ADK: variants seen among roughly 807,000 people sequenced by gnomAD.
The protein encoded by ADK is N6,N6-dimethyladenosine kinase.
ADK carries 24 observed loss-of-function variants against 44.7 expected under a neutral mutation model. That is an observed-to-expected ratio of 0.54 (90% CI 0.39 to 0.76). ADK has a LOEUF of 0.76. ADK is among the 30% of genes least tolerant of loss of function. The pLI, the probability that ADK is intolerant of heterozygous loss-of-function variation, is 0.00. For missense variants in ADK, 321 were observed against 425.1 expected, an observed-to-expected ratio of 0.76 and a Z score of 2.15; for synonymous variants, 128 against 142.6, an observed-to-expected ratio of 0.90 and a Z score of 0.73.
chr10:74,366,790 C>G (rs1389195248), intron 4 of ADK, among the ~76,000 whole-genome samples: 1 of 152,084 alleles, frequency 6.6e-6, no homozygotes, highest in Non-Finnish European at 1.5e-5. Context: ...ATTAGCCAAG[C>G]ATGGTGGTAC....
chr10:74,221,370 A>G (rs1012378333), intron 2 of ADK, among the ~76,000 whole-genome samples: 16 of 150,528 alleles, frequency 1.1e-4, no homozygotes, highest in Admixed American at 8.6e-4. Context: ...GAAATAAAAG[A>G]GGATACAAAC....
At chr10:74,671,447 A>C (rs1855181779) in intron 10 of ADK, among the ~76,000 whole-genome samples, 1 of 152,216 alleles carries the variant, frequency 6.6e-6, no homozygotes, top group Admixed American at 6.5e-5. Flanking sequence ...ATTAACCATT[A>C]GGATGCCCCA....
intron 2 of ADK, among the ~76,000 whole-genome samples, chr10:74,222,213 C>T (rs1327785911): frequency 6.6e-6 from 1 of 152,304 alleles, no homozygotes; most frequent in South Asian, 2.1e-4. Context: ...CATGAACAGA[C>T]ACTTCTCAAA....
At chr10:74,592,240 G>T (rs1262807120) in intron 8 of ADK, among the ~76,000 whole-genome samples, 1 of 151,910 alleles carries the variant, frequency 6.6e-6, no homozygotes, top group African/African-American at 2.4e-5. Flanking sequence ...ACAATTCTTG[G>T]GGTAAAAAGT....
intron 3 of ADK, among the ~76,000 whole-genome samples, chr10:74,296,066 CT>C (rs59799489): frequency 0.2 from 27,692 of 139,762 alleles, 3,397 homozygotes; most frequent in African/African-American, 0.38. Flanking sequence ...TATTTAGCTC[CT>C]TTTTTTTTTT....
chr10:74,155,822 G>T (rs1037165754), intron 1 of ADK, among the ~76,000 whole-genome samples: 1 of 152,280 alleles, frequency 6.6e-6, no homozygotes, highest in African/African-American at 2.4e-5. Context: ...GTGAGCCACC[G>T]TGCCCGGCGA....
chr10:74,678,806 T>A (rs894135826), intron 10 of ADK, among the ~76,000 whole-genome samples: 8 of 152,214 alleles, frequency 5.3e-5, no homozygotes, highest in Non-Finnish European at 7.3e-5. Flanking sequence ...ATATGTGTGT[T>A]AGTTCCCTGA....
intron 5 of ADK, among the ~76,000 whole-genome samples, chr10:74,396,229 C>T (rs1376852300): frequency 6.6e-6 from 1 of 152,104 alleles, no homozygotes; most frequent in Non-Finnish European, 1.5e-5. Context: ...ACCTTTGCTG[C>T]CACTATCAAA....
intron 9 of ADK, among the ~76,000 whole-genome samples, chr10:74,628,745 G>A (rs933506998): frequency 6.6e-6 from 1 of 152,082 alleles, no homozygotes; most frequent in African/African-American, 2.4e-5. Context: ...ACTTGGAGAA[G>A]TCTATTCTTA....
chr10:74,597,033 C>T (rs986176288), intron 8 of ADK, among the ~76,000 whole-genome samples: 9 of 152,282 alleles, frequency 5.9e-5, no homozygotes, highest in South Asian at 2.1e-4. Context: ...TCTTCATCTT[C>T]TTCGTTATAG....
At chr10:74,504,650 T>A (rs990096496) in intron 6 of ADK, among the ~76,000 whole-genome samples, 1 of 152,164 alleles carries the variant, frequency 6.6e-6, no homozygotes, top group African/African-American at 2.4e-5. Flanking sequence ...CGAATTTTAA[T>A]CCCCATAATC....
Position 74,303,585 on chromosome 10 carries a change from G to GTTTTTTTTTTTTTTT in ADK, c.195-11080_195-11079insTTTTTTTTTTTTTTT. On this transcript the variant is annotated intron_variant, in intron 3 of 10. Transcript: ENST00000539909. Reference sequence around the variant, plus strand: ...AAACACTTTTCATATTGGTTTTAATGTTGTTTTTTTTTTTTTTTTTTTTTT... The same window carrying GTTTTTTTTTTTTTTT: ...AAACACTTTTCATATTGGTTTTAATGTTTTTTTTTTTTTTTTTGTTTTTTTTTTTTTTTTTTTTTT... Among the ~76,000 whole-genome samples, 322 of 64,628 alleles carry GTTTTTTTTTTTTTTT rather than the reference G, an allele frequency of 5.0e-3. 101 individuals are homozygous for GTTTTTTTTTTTTTTT. Among genetic ancestry groups the GTTTTTTTTTTTTTTT allele is most frequent in the Non-Finnish European group, 5.7e-3 (231 of 40,788 alleles). The allele number at this position is 64,628 out of a possible 152,430, so 42.4% of individuals were successfully genotyped here. A position where few individuals can be genotyped will look rare whatever the true frequency, so the allele number is the denominator to read the frequency against.
At chr10:74,421,604 A>G (rs1488958102) in intron 6 of ADK, among the ~76,000 whole-genome samples, 2 of 152,180 alleles carry the variant, frequency 1.3e-5, no homozygotes, top group Non-Finnish European at 2.9e-5. Context: ...AACACATCTA[A>G]CGCTCACATC....
At chr10:74,462,957 C>T (rs915705050) in intron 6 of ADK, among the ~76,000 whole-genome samples, 2 of 152,052 alleles carry the variant, frequency 1.3e-5, no homozygotes, top group East Asian at 1.9e-4. Flanking sequence ...GGGATTTAGG[C>T]TTTATGAAGG....
At chr10:74,506,342 C>T in intron 6 of ADK, 1 of 267,244 alleles carries the variant, frequency 3.7e-6, no homozygotes, top group Non-Finnish European at 7.4e-6. Context: ...ACATATCAAG[C>T]AAGTCAGCTT....
intron 3 of ADK, among the ~76,000 whole-genome samples, chr10:74,275,122 T>C (rs1408238547): frequency 2.6e-5 from 4 of 152,108 alleles, no homozygotes; most frequent in South Asian, 2.1e-4. Context: ...GGAGCTGCCC[T>C]GGGAAGAATA....
At chr10:74,303,144 G>T (rs1321968863) in intron 3 of ADK, among the ~76,000 whole-genome samples, 30 of 152,172 alleles carry the variant, frequency 2.0e-4, no homozygotes, top group Admixed American at 2.0e-3. Context: ...CAGAAGATAT[G>T]AAACACAATA....
intron 6 of ADK, among the ~76,000 whole-genome samples, chr10:74,451,920 A>G (rs956792263): frequency 2.0e-5 from 3 of 151,968 alleles, no homozygotes; most frequent in African/African-American, 7.2e-5. Context: ...TGTATTTGGT[A>G]TTTTGGGAAA....
intron 7 of ADK, among the ~76,000 whole-genome samples, chr10:74,568,462 G>T (rs1035125493): frequency 6.6e-6 from 1 of 151,946 alleles, no homozygotes; most frequent in African/African-American, 2.4e-5. Context: ...ACAGGAAAGG[G>T]GTCCTAATCC....
Sources: allele counts gnomAD v4.1 joint callset (sites outside exome capture counted in the v4.1 genomes callset), GRCh38; gene constraint gnomAD v4.1.1; transcripts MANE v1.5; gene names NCBI Gene and HGNC (gene_info 2026-07-23, HGNC 2026-07-21).